Variants in PALS1 observed in about 807,000 individuals in gnomAD.
PALS1 encodes the protein protein PALS1.
PALS1 carries 31 observed loss-of-function variants against 78.9 expected under a neutral mutation model. The observed-to-expected ratio is 0.39, with a 90% CI of 0.30 to 0.53. The LOEUF is 0.53. Ranked by LOEUF, PALS1 falls within the 20% of genes least tolerant of loss-of-function variation. PALS1 has a pLI of 0.67. For missense variants in PALS1, 704 were observed against 826.5 expected (o/e 0.85, Z 1.82); for synonymous variants, 276 against 270.9 (o/e 1.02, Z -0.18).
At chr14:67,326,172 T>TA (rs1338530180) in intron 14 of PALS1, among the ~76,000 whole-genome samples, 3 of 149,736 alleles carry the variant, frequency 2.0e-5, no homozygotes, top group African/African-American at 7.3e-5. Flanking sequence ...ATGGAATTTT[T>TA]ATCTACTTCA....
At chr14:67,290,122 C>G (rs950559632) in intron 3 of PALS1, among the ~76,000 whole-genome samples, 3 of 152,032 alleles carry the variant, frequency 2.0e-5, no homozygotes, top group South Asian at 4.2e-4. Flanking sequence ...TGTATGTGCT[C>G]TAAGTTTTTC....
Position 67,320,402 on chromosome 14 carries a change from G to A in PALS1, c.1537+5G>A. ...GCTTTGCATCTGCAGTTCCTCGTAA[G>A]TTTGAATGCATTCCCATTTTCCTGT... On this transcript the variant is annotated splice_donor_5th_base_variant and intron_variant, in intron 12 of 14. Transcript: ENST00000261681. 1.3e-6 allele frequency: 2 copies of A among 1,586,116 alleles called. No homozygotes were observed. Among genetic ancestry groups the A allele is most frequent in the Non-Finnish European group, 1.7e-6 (2 of 1,167,064 alleles).
In PALS1 at chr14:67,297,039, T is replaced by C. The variant is rs2084865242; in HGVS notation, c.576+4320T>C. Among the ~76,000 whole-genome samples, 4 of 152,190 alleles carry C rather than the reference T, an allele frequency of 2.6e-5. 1 individual carries two copies. The South Asian group carries it at 8.3e-4, about 32-fold the overall frequency. On this transcript the variant is annotated intron_variant, in intron 4 of 14. Coordinates refer to ENST00000261681, the MANE Select transcript of PALS1 (RefSeq NM_022474.4). ...TTGATACAAATTCTTAGAAAGCCAG[T>C]CACATTATTTTAACTTGATAATAGT...
At chr14:67,284,273 A>G (rs1465055099) in intron 3 of PALS1, among the ~76,000 whole-genome samples, 1 of 151,786 alleles carries the variant, frequency 6.6e-6, no homozygotes, top group Non-Finnish European at 1.5e-5. Flanking sequence ...TGTCTTTTAA[A>G]CTGTAGAATT....
intron 8 of PALS1, among the ~76,000 whole-genome samples, chr14:67,307,529 T>A (rs1415977137): frequency 6.6e-6 from 1 of 152,240 alleles, no homozygotes; most frequent in East Asian, 1.9e-4. Context: ...CAGAGATAAC[T>A]GTGTTGTAAA....
rs967738868 is a variant in PALS1, at chr14:67,335,329, C to T, written c.*2373C>T. On this transcript the variant is annotated 3_prime_UTR_variant, in exon 15 of 15. Coordinates refer to ENST00000261681, the MANE Select transcript of PALS1 (RefSeq NM_022474.4). ...CCTTGCTGTACACCTAGTTGTACAGCCACTCTGGCCAATTCCATTTCCTGT... is the reference window on the plus strand; with the variant it reads ...CCTTGCTGTACACCTAGTTGTACAGTCACTCTGGCCAATTCCATTTCCTGT... The T allele has an allele frequency of 6.6e-6, 1 of 152,200 alleles. No homozygotes were observed. Among genetic ancestry groups the T allele is most frequent in the Non-Finnish European group, 1.5e-5 (1 of 68,040 alleles). 9.4% of individuals were successfully genotyped at this position (152,200 alleles called of 1,614,324 possible).
chr14:67,334,565 T>C lies in PALS1; in HGVS notation c.*1609T>C, dbSNP rs1040476379. The C allele has an allele frequency of 1.3e-5, 2 of 152,612 alleles. No individual in the cohort carries two copies. The highest frequency in any genetic ancestry group is 4.8e-5 in the African/African-American group (2 of 41,452). 9.5% of individuals were successfully genotyped at this position (152,612 alleles called of 1,614,324 possible). The stretch of plus-strand genomic sequence containing the variant: ...CTACATAATTTTATTTGAACAAATG[T>C]AGACAGTTTATATGTCGCCTTTTTC... On this transcript the variant is annotated 3_prime_UTR_variant, in exon 15 of 15. Transcript: ENST00000261681.
At chr14:67,243,602 T>C (rs1348759340) in intron 1 of PALS1, among the ~76,000 whole-genome samples, 1 of 150,084 alleles carries the variant, frequency 6.7e-6, no homozygotes, top group Non-Finnish European at 1.5e-5. Context: ...ACGCCATTTT[T>C]CTGCCTCAGC....
intron 8 of PALS1, among the ~76,000 whole-genome samples, chr14:67,308,017 G>A (rs1230549815): frequency 2.6e-5 from 4 of 152,072 alleles, no homozygotes; most frequent in African/African-American, 9.7e-5. Flanking sequence ...TTACATGTGG[G>A]AGCTAAATGA....
At chr14:67,265,878 A>G (rs191408203) in intron 1 of PALS1, among the ~76,000 whole-genome samples, 1 of 151,992 alleles carries the variant, frequency 6.6e-6, no homozygotes, top group East Asian at 1.9e-4. Context: ...AAAAGGAAAA[A>G]AGAAAACAAA....
chr14:67,281,775 G>A (rs2084611723), intron 3 of PALS1, among the ~76,000 whole-genome samples: 1 of 151,558 alleles, frequency 6.6e-6, no homozygotes, highest in African/African-American at 2.4e-5. Context: ...TGTTTGTTTT[G>A]CCTAAGCACA....
At chr14:67,244,868 A>G (rs1332402290) in intron 1 of PALS1, among the ~76,000 whole-genome samples, 1 of 152,198 alleles carries the variant, frequency 6.6e-6, no homozygotes, top group African/African-American at 2.4e-5. Context: ...TGCTAATCAG[A>G]TGACTTTAGG....
intron 1 of PALS1, among the ~76,000 whole-genome samples, chr14:67,244,596 A>C (rs2083959307): frequency 6.6e-6 from 1 of 152,210 alleles, no homozygotes; most frequent in South Asian, 2.1e-4. Context: ...TCACCTATCC[A>C]TTCACCAGTT....
chr14:67,274,023 C>T (rs1326115907), intron 2 of PALS1, among the ~76,000 whole-genome samples: 1 of 152,106 alleles, frequency 6.6e-6, no homozygotes, highest in Non-Finnish European at 1.5e-5. Context: ...TGGATATTAG[C>T]CCTTTGTCAG....
intron 14 of PALS1, among the ~76,000 whole-genome samples, chr14:67,331,195 C>T (rs141032091): frequency 0.024 from 3,680 of 152,154 alleles, 72 homozygotes; most frequent in Non-Finnish European, 0.036. Context: ...CAGATGTGCA[C>T]CATCACGCCT....
intron 4 of PALS1, among the ~76,000 whole-genome samples, chr14:67,301,055 A>G (rs1027877215): frequency 6.6e-5 from 10 of 152,174 alleles, no homozygotes; most frequent in African/African-American, 1.7e-4. Context: ...TTTAAAAACT[A>G]TAAAATAGCA....
At chr14:67,253,964 T>G (rs188694131) in intron 1 of PALS1, among the ~76,000 whole-genome samples, 1,809 of 146,494 alleles carry the variant, frequency 0.012, 20 homozygotes, top group Non-Finnish European at 0.019. Context: ...TTTTGTTTTG[T>G]TTTTTTTTTT....
intron 8 of PALS1, 24 bp from the exon 9 acceptor site, chr14:67,312,503 G>A: frequency 6.7e-7 from 1 of 1,488,258 alleles, no homozygotes; most frequent in Non-Finnish European, 9.0e-7. Context: ...ATTTATTGTT[G>A]TTTTTGCCCT....
intron 1 of PALS1, among the ~76,000 whole-genome samples, chr14:67,251,415 C>A (rs2084061340): frequency 6.6e-6 from 1 of 151,982 alleles, no homozygotes; most frequent in Non-Finnish European, 1.5e-5. Flanking sequence ...TGCCTGTGGT[C>A]CCAGCTACTC....
Sources: gnomAD v4.1 joint callset for allele counts (sites outside exome capture counted in the v4.1 genomes callset) on GRCh38, gnomAD v4.1.1 for gene constraint, MANE v1.5 for transcripts, NCBI Gene and HGNC (gene_info 2026-07-23, HGNC 2026-07-21) for gene names.